The following TRHDE variants were observed in gnomAD, a reference collection of about 807,000 sequenced individuals.
TRHDE encodes thyrotropin releasing hormone degrading enzyme.
A neutral mutation model predicts 125.7 loss-of-function variants in TRHDE; 72 were observed. The observed-to-expected ratio is 0.57, with a 90% CI of 0.47 to 0.70. The LOEUF (loss-of-function observed/expected upper bound fraction) is 0.70. TRHDE is among the 30% of genes least tolerant of loss of function. TRHDE has a pLI of 0.00. For synonymous variants in TRHDE, 509 were observed against 509.1 expected, an observed-to-expected ratio of 1.00 and a Z score of 0.00; for missense variants, 1,110 against 1,327.1, an observed-to-expected ratio of 0.84 and a Z score of 2.54.
chr12:72,182,632 C>T (rs755626417), intron 2 of TRHDE, among the ~76,000 whole-genome samples: 1 of 152,164 alleles, frequency 6.6e-6, no homozygotes, highest in South Asian at 2.1e-4. Context: ...GCATTCTGTA[C>T]AGCGATCATA....
chr12:72,246,579 C>T lies in TRHDE; in HGVS notation n.280-131416C>T, dbSNP rs137976294. On this transcript the variant is annotated intron_variant and non_coding_transcript_variant, in intron 2 of 4. Coordinates refer to the TRHDE transcript ENST00000548156. Reference sequence around the variant, plus strand: ...CTTCCTCGGGCCTGCTCACTTTCACCGCAAGCAGCTGACTCGCTTAACATA... The same window carrying T: ...CTTCCTCGGGCCTGCTCACTTTCACTGCAAGCAGCTGACTCGCTTAACATA... Among the ~76,000 whole-genome samples the T allele has an allele frequency of 2.4e-3, 364 of 152,246 alleles. 4 individuals are homozygous for T. The highest frequency in any genetic ancestry group is 4.7e-3 in the Non-Finnish European group (321 of 68,032).
chr12:72,395,934 T>C (rs1392593851), intron 3 of TRHDE, among the ~76,000 whole-genome samples: 1 of 152,104 alleles, frequency 6.6e-6, no homozygotes, highest in East Asian at 1.9e-4. Flanking sequence ...TTTTTTTTTG[T>C]TTTACAAAAG....
At chr12:72,214,911 T>C (rs1218706752) in intron 2 of TRHDE, among the ~76,000 whole-genome samples, 1 of 152,230 alleles carries the variant, frequency 6.6e-6, no homozygotes, top group African/African-American at 2.4e-5. Flanking sequence ...CTGAAAGCTT[T>C]GTAGACATCA....
chr12:72,388,435 T>A (rs1872515755), intron 3 of TRHDE, among the ~76,000 whole-genome samples: 1 of 152,208 alleles, frequency 6.6e-6, no homozygotes, highest in Non-Finnish European at 1.5e-5. Context: ...TGCCTGTTGG[T>A]TCACTGCTCT....
Position 72,204,290 on chromosome 12 carries a change from C to T in TRHDE, n.279+98538C>T, listed in dbSNP as rs766237461. ...TGATACTCTCGTCCACATTTTCCTT[C>T]ATCTAATACCCTATCTCTTTGCTTC... On this transcript the variant is annotated intron_variant and non_coding_transcript_variant, in intron 2 of 4. Transcript: ENST00000548156. Among the ~76,000 whole-genome samples, 14 of 152,146 alleles carry T rather than the reference C, an allele frequency of 9.2e-5. 1 individual carries two copies. The highest frequency in any genetic ancestry group is 1.8e-4 in the Non-Finnish European group (12 of 68,026).
At chr12:72,213,406 G>A (rs1246502776) in intron 2 of TRHDE, among the ~76,000 whole-genome samples, 1 of 152,108 alleles carries the variant, frequency 6.6e-6, no homozygotes, top group Non-Finnish European at 1.5e-5. Flanking sequence ...AGTTAGCAAA[G>A]GCACTTTTCT....
At chr12:72,566,899 G>A (rs1870474026) in intron 9 of TRHDE, among the ~76,000 whole-genome samples, 1 of 151,852 alleles carries the variant, frequency 6.6e-6, no homozygotes, top group East Asian at 1.9e-4. Context: ...AGTAATTTAT[G>A]ATTTAGAGTA....
chr12:72,641,498 T>A (rs1039905667), intron 15 of TRHDE, among the ~76,000 whole-genome samples: 46 of 152,296 alleles, frequency 3.0e-4, no homozygotes, highest in African/African-American at 1.1e-3. Context: ...AACGTACACA[T>A]TATGTTATTT....
At chr12:72,293,108 G>T (rs1304216192) in intron 2 of TRHDE, among the ~76,000 whole-genome samples, 1 of 152,010 alleles carries the variant, frequency 6.6e-6, no homozygotes, top group Non-Finnish European at 1.5e-5. Context: ...AGCTGGGGCT[G>T]TCATCTGGGG....
Position 72,272,956 on chromosome 12 carries a change from C to A in TRHDE, c.313C>A (p.Leu105Met), listed in dbSNP as rs368799175. The change falls in exon 1 of 19, where the codon CTG becomes ATG. Residue 105 changes from leucine to methionine, a missense_variant. Physicochemically the swap from Leu to Met is conservative, Grantham distance 15 (BLOSUM62 2). This residue lies in a region of TRHDE where 248 missense variants were observed against 240.8 expected (regional missense o/e 1.03). Transcript: ENST00000261180. The surrounding 1 kb of genome is among the most constrained non-coding windows in gnomAD (Gnocchi z 6.7). Reference sequence around the variant, plus strand: ...GCTCGCGGTCACAATGCTCGCTGTGCTGCTCAGCCTGCGCTTCGACGAGTG... The same window carrying A: ...GCTCGCGGTCACAATGCTCGCTGTGATGCTCAGCCTGCGCTTCGACGAGTG... The part of the protein sequence containing the change: ...ALLAVTMLAV[L>M]LSLRFDECGA... The A allele has an allele frequency of 1.8e-5, 28 of 1,569,484 alleles. No individual in the cohort carries two copies. The African/African-American group carries it at 3.8e-4, about 21-fold the overall frequency.
At position 72,669,063 on chromosome 12, in the gene TRHDE, T is replaced by C. The variant is rs890797926; in HGVS notation, c.*5868T>C. 7 of 151,642 alleles carry C rather than the reference T, an allele frequency of 4.6e-5. No homozygotes were observed. Among genetic ancestry groups the C allele is most frequent in the African/African-American group, 1.7e-4 (7 of 41,354 alleles). The allele number at this position is 151,642 out of a possible 1,614,324, so 9.4% of individuals were successfully genotyped here. ...CATGAAAACATTTTACATTAGCATGTTGTGTAGTGGGTTTTAAGTTATAAC... is the reference window on the plus strand; with the variant it reads ...CATGAAAACATTTTACATTAGCATGCTGTGTAGTGGGTTTTAAGTTATAAC... On this transcript the variant is annotated 3_prime_UTR_variant, in exon 19 of 19. Transcript: ENST00000261180.
At chr12:72,507,832 A>C (rs1399447761) in intron 6 of TRHDE, among the ~76,000 whole-genome samples, 1 of 152,242 alleles carries the variant, frequency 6.6e-6, no homozygotes, top group Non-Finnish European at 1.5e-5. Flanking sequence ...CTAGGAGGGA[A>C]GCATGGTTTC....
At chr12:72,162,611 C>T (rs1876659581) in intron 2 of TRHDE, among the ~76,000 whole-genome samples, 1 of 152,156 alleles carries the variant, frequency 6.6e-6, no homozygotes, top group South Asian at 2.1e-4. Context: ...TTTATGTAAG[C>T]ACTGAATTCC....
At position 72,457,332 on chromosome 12, in the gene TRHDE, G is replaced by A. The variant is rs150859839; in HGVS notation, c.1316-12426G>A. On this transcript the variant is annotated intron_variant, in intron 3 of 18. Transcript: ENST00000261180. Reference sequence around the variant, plus strand: ...TCATATTTTCCATTTCTGTAATTGTGCTGTTTTTAAATTATCTGTTCTTCT... The same window carrying A: ...TCATATTTTCCATTTCTGTAATTGTACTGTTTTTAAATTATCTGTTCTTCT... Among the ~76,000 whole-genome samples the A allele has an allele frequency of 4.3e-3, 650 of 152,150 alleles. 3 individuals are homozygous for A. The highest frequency in any genetic ancestry group is 0.02 in the South Asian group (96 of 4,816).
intron 2 of TRHDE, among the ~76,000 whole-genome samples, chr12:72,132,615 C>A (rs1054696817): frequency 2.0e-5 from 3 of 151,308 alleles, no homozygotes; most frequent in Non-Finnish European, 4.4e-5. Flanking sequence ...ATAAAATCAG[C>A]CCAACCCTGA....
chr12:72,363,262 A>G (rs1169256769), intron 2 of TRHDE, among the ~76,000 whole-genome samples: 1 of 151,774 alleles, frequency 6.6e-6, no homozygotes, highest in Non-Finnish European at 1.5e-5. Flanking sequence ...ATCCTCCCCA[A>G]CTCATTTTAT....
At chr12:72,274,049 T>C in intron 1 of TRHDE, 1 of 157,316 alleles carries the variant, frequency 6.4e-6, no homozygotes, top group Admixed American at 6.1e-5. Flanking sequence ...CCCTGACTAT[T>C]AGTCTCCTGC....
chr12:72,124,112 T>A lies in TRHDE; in HGVS notation n.279+18360T>A, dbSNP rs557454193. 1.5e-3 allele frequency among the ~76,000 whole-genome samples: 227 copies of A among 152,228 alleles called. 1 individual carries two copies. The highest frequency in any genetic ancestry group is 5.0e-3 in the African/African-American group (208 of 41,554). On this transcript the variant is annotated intron_variant and non_coding_transcript_variant, in intron 2 of 4. Transcript: ENST00000548156. ...TTCAGATACCAGGCACCTCCTGTAT[T>A]TTAGCCTCCATACATCTAATTCGTA...
chr12:72,485,073 A>G (rs1592481189), intron 5 of TRHDE, among the ~76,000 whole-genome samples: 1 of 152,158 alleles, frequency 6.6e-6, no homozygotes, highest in African/African-American at 2.4e-5. Flanking sequence ...GGTAGCCTCA[A>G]TCACCACCAT....
Sources: gnomAD v4.1 joint callset for allele counts (sites outside exome capture counted in the v4.1 genomes callset) on GRCh38, gnomAD v4.1.1 for gene constraint, gnomAD v4.1.1 regional missense constraint, Gnocchi (gnomAD v3.1) non-coding constraint, MANE v1.5 for transcripts, NCBI Gene and HGNC (gene_info 2026-07-23, HGNC 2026-07-21) for gene names.